The following LYRM4 variants were observed in gnomAD, a reference collection of about 807,000 sequenced individuals.
LYRM4 encodes LYR motif-containing protein 4.
In LYRM4, 9 loss-of-function variants were observed where a neutral mutation model predicts 11.7. That is an observed-to-expected ratio of 0.77 (90% CI 0.46 to 1.34). The LOEUF (loss-of-function observed/expected upper bound fraction) is 1.34, where lower values mean the gene tolerates loss of function less well. Ranked by LOEUF, LYRM4 falls within the 40% of genes most tolerant of loss-of-function variation. The probability of loss-of-function intolerance (pLI) is 0.00; values close to 1 mark genes in which losing one functional copy is unlikely to be tolerated. For synonymous variants in LYRM4, 42 were observed against 40.4 expected, an observed-to-expected ratio of 1.04 and a Z score of -0.15; for missense variants, 133 against 112.5, an observed-to-expected ratio of 1.18 and a Z score of -0.82.
At chr6:5,068,408 T>C in the LYRM4 span, among the ~76,000 whole-genome samples, 1 of 152,330 alleles carries the variant, frequency 6.6e-6, no homozygotes, top group South Asian at 2.1e-4. The surrounding 1 kb of genome is among the most constrained non-coding windows in gnomAD (Gnocchi z 4.0). Flanking sequence ...CACTGTTTAC[T>C]GTCCTGACTT....
chr6:5,075,373 G>A, the LYRM4 span, among the ~76,000 whole-genome samples: 1 of 152,200 alleles, frequency 6.6e-6, no homozygotes, highest in Non-Finnish European at 1.5e-5. Context: ...ATTCCTAGGG[G>A]AAGCTCTGCA....
In LYRM4 at chr6:5,108,834, G is replaced by C. The variant is rs963254806; in HGVS notation, c.*589C>G. 1.0e-6 allele frequency: 1 copy of C among 986,258 alleles called. No individual in the cohort carries two copies. The highest frequency in any genetic ancestry group is 5.2e-4 in the Middle Eastern group (1 of 1,914). 61.1% of individuals were successfully genotyped at this position (986,258 alleles called of 1,614,324 possible). ...TCTCTGGGTGTGTACCTACACACCC[G>C]TCACCTTTGTTGTACTGGGCTCAGG... On this transcript the variant is annotated 3_prime_UTR_variant, in exon 3 of 3. Transcript: ENST00000330636.
chr6:5,162,230 T>A (rs1758802110), intron 2 of LYRM4, among the ~76,000 whole-genome samples: 1 of 152,226 alleles, frequency 6.6e-6, no homozygotes, highest in African/African-American at 2.4e-5. Flanking sequence ...GCTCGCTAGA[T>A]GATTTCAATC....
chr6:5,211,757 G>GT (rs531243797), intron 2 of LYRM4, among the ~76,000 whole-genome samples: 26 of 152,304 alleles, frequency 1.7e-4, no homozygotes, highest in Admixed American at 9.8e-4. Flanking sequence ...AACACATCCA[G>GT]TTTATCTTCT....
At chr6:5,069,645 T>A in the LYRM4 span, among the ~76,000 whole-genome samples, 1 of 152,046 alleles carries the variant, frequency 6.6e-6, no homozygotes, top group Non-Finnish European at 1.5e-5. Flanking sequence ...CACGCCTGGA[T>A]AATTTTTTGT....
chr6:5,231,541 C>G (rs911543403), intron 1 of LYRM4, among the ~76,000 whole-genome samples: 12 of 152,200 alleles, frequency 7.9e-5, no homozygotes, highest in African/African-American at 2.9e-4. Context: ...GCAGATGAGT[C>G]TGTGAATCAC....
chr6:5,048,852 A>G, the LYRM4 span, among the ~76,000 whole-genome samples: 1 of 152,194 alleles, frequency 6.6e-6, no homozygotes, highest in Non-Finnish European at 1.5e-5. Flanking sequence ...ATGGGAAGGG[A>G]AAGAAAGCCA....
chr6:5,043,082 C>G, the LYRM4 span: 1 of 152,400 alleles, frequency 6.6e-6, no homozygotes, highest in East Asian at 1.9e-4. Context: ...GCCCTGTCCC[C>G]AACTGTAACG....
intron 2 of LYRM4, among the ~76,000 whole-genome samples, chr6:5,119,820 A>AAC (rs1763334582): frequency 6.7e-6 from 1 of 149,084 alleles, no homozygotes; most frequent in East Asian, 2.0e-4. Context: ...AAAAAAAAAA[A>AAC]CAACCACAAA....
intron 2 of LYRM4, among the ~76,000 whole-genome samples, chr6:5,159,445 C>A (rs887172695): frequency 2.6e-5 from 4 of 152,172 alleles, no homozygotes; most frequent in Non-Finnish European, 2.9e-5. Context: ...AGTGATCATG[C>A]AGAAGAAGGG....
the LYRM4 span, among the ~76,000 whole-genome samples, chr6:5,044,416 C>T: frequency 6.6e-6 from 1 of 152,184 alleles, no homozygotes; most frequent in Non-Finnish European, 1.5e-5. Flanking sequence ...CAGGCGGGAG[C>T]CACCATGCCC....
chr6:5,136,328 A>C lies in LYRM4; in HGVS notation c.208-26837T>G, dbSNP rs60878426. 510 of 985,478 alleles carry C rather than the reference A, an allele frequency of 5.2e-4. 7 individuals are homozygous for C. In the East Asian group the frequency reaches 0.049, roughly 95 times the overall value. The allele number at this position is 985,478 out of a possible 1,614,324, so 61.0% of individuals were successfully genotyped here. A position where few individuals can be genotyped will look rare whatever the true frequency, so the allele number is the denominator to read the frequency against. On this transcript the variant is annotated intron_variant, in intron 2 of 2. Coordinates refer to ENST00000330636, the MANE Select transcript of LYRM4 (RefSeq NM_020408.6). ...CAAATCAGTATTCTTCTAAATGATA[A>C]CTTGTCCCCTTTCCTGCTGCCTTTT...
chr6:5,233,140 C>T (rs964363982), intron 1 of LYRM4, among the ~76,000 whole-genome samples: 1 of 152,190 alleles, frequency 6.6e-6, no homozygotes, highest in African/African-American at 2.4e-5. Flanking sequence ...TCTCTGAAGA[C>T]GCCCTGCCTC....
intron 2 of LYRM4, among the ~76,000 whole-genome samples, chr6:5,192,003 T>TA (rs575733703): frequency 8.6e-5 from 13 of 151,982 alleles, no homozygotes; most frequent in African/African-American, 1.7e-4. Context: ...TCATAAAAGT[T>TA]AAAAAAAATG....
At chr6:5,066,819 G>A in the LYRM4 span, 2 of 769,710 alleles carry the variant, frequency 2.6e-6, no homozygotes, top group South Asian at 1.6e-5. Context: ...CCTGAAATCC[G>A]GATCCGGCCA....
intron 2 of LYRM4, among the ~76,000 whole-genome samples, chr6:5,150,446 C>A (rs952455091): frequency 8.5e-5 from 13 of 152,206 alleles, no homozygotes; most frequent in African/African-American, 3.1e-4. Context: ...CCATGGATAC[C>A]CTGGTTTCAG....
chr6:5,246,045 A>G (rs1041582103), intron 1 of LYRM4, among the ~76,000 whole-genome samples: 1 of 152,166 alleles, frequency 6.6e-6, no homozygotes, highest in South Asian at 2.1e-4. Context: ...TTAAAAAATT[A>G]AAAAAAGGGA....
intron 2 of LYRM4, among the ~76,000 whole-genome samples, chr6:5,133,459 C>T (rs1764048827): frequency 1.3e-5 from 2 of 152,174 alleles, no homozygotes; most frequent in South Asian, 2.1e-4. Flanking sequence ...GATCCTGACC[C>T]GTCCAGCCTC....
the LYRM4 span, among the ~76,000 whole-genome samples, chr6:5,056,518 C>G: frequency 6.6e-6 from 1 of 152,180 alleles, no homozygotes; most frequent in African/African-American, 2.4e-5. Context: ...AGTCTTGTAA[C>G]ATTTTGCATT....
Sources: gnomAD v4.1 joint callset for allele counts (sites outside exome capture counted in the v4.1 genomes callset) on GRCh38, gnomAD v4.1.1 for gene constraint, Gnocchi (gnomAD v3.1) non-coding constraint, MANE v1.5 for transcripts, NCBI Gene and HGNC (gene_info 2026-07-23, HGNC 2026-07-21) for gene names.